OR1J2: variants seen among roughly 807,000 people sequenced by gnomAD.
OR1J2 encodes the protein olfactory receptor family 1 subfamily J member 2, also known as olfactory receptor 1J2.
For synonymous variants in OR1J2, 142 were observed against 99.7 expected, an observed-to-expected ratio of 1.42 and a Z score of -2.52; for missense variants, 304 against 246.1, an observed-to-expected ratio of 1.24 and a Z score of -1.57.
the OR1J2 span, among the ~76,000 whole-genome samples, chr9:122,466,591 C>T: frequency 6.6e-6 from 1 of 152,174 alleles, no homozygotes; most frequent in Non-Finnish European, 1.5e-5. Flanking sequence ...TTACAGCAAA[C>T]TGAGGCTCCC....
At chr9:122,451,152 C>CATTATTATTATTATT in the OR1J2 span, among the ~76,000 whole-genome samples, 1 of 137,584 alleles carries the variant, frequency 7.3e-6, no homozygotes, top group Admixed American at 7.3e-5. Flanking sequence ...CTATCACCTG[C>CATTATTATTATTATT]ATTATTATTA....
At chr9:122,519,970 T>A in the OR1J2 span, 2 of 1,614,182 alleles carry the variant, frequency 1.2e-6, no homozygotes, top group East Asian at 2.2e-5. Context: ...GCCTCTGTGA[T>A]GTACACGGTG....
chr9:122,482,992 C>T, the OR1J2 span, among the ~76,000 whole-genome samples: 1 of 151,942 alleles, frequency 6.6e-6, no homozygotes, highest in Non-Finnish European at 1.5e-5. Context: ...TTCAAAAGAG[C>T]TAGAAGAGAG....
chr9:122,565,578 A>G, the OR1J2 span, among the ~76,000 whole-genome samples: 46,918 of 152,082 alleles, frequency 0.31, 8,111 homozygotes, highest in East Asian at 0.81. Context: ...CCCCAATGGC[A>G]CCATTCCCAA....
At chr9:122,468,894 G>A in the OR1J2 span, among the ~76,000 whole-genome samples, 28 of 152,112 alleles carry the variant, frequency 1.8e-4, no homozygotes, top group African/African-American at 6.5e-4. Context: ...TGGCTCTCTG[G>A]ACCTCTCCAT....
the OR1J2 span, among the ~76,000 whole-genome samples, chr9:122,556,063 T>C: frequency 8.3e-4 from 126 of 152,358 alleles, no homozygotes; most frequent in African/African-American, 2.7e-3. Context: ...TGGTAACCAC[T>C]GATCTTTTTA....
chr9:122,478,571 C>T, the OR1J2 span, among the ~76,000 whole-genome samples: 3 of 152,062 alleles, frequency 2.0e-5, no homozygotes, highest in Non-Finnish European at 4.4e-5. Context: ...TAAACAATTA[C>T]TCCAAAAGAC....
At chr9:122,557,368 A>T in the OR1J2 span, among the ~76,000 whole-genome samples, 1 of 152,004 alleles carries the variant, frequency 6.6e-6, no homozygotes, top group Non-Finnish European at 1.5e-5. Flanking sequence ...TTTAAAATAG[A>T]TATCCTTTAT....
At chr9:122,560,564 T>G in the OR1J2 span, among the ~76,000 whole-genome samples, 127 of 152,294 alleles carry the variant, frequency 8.3e-4, no homozygotes, top group African/African-American at 2.7e-3. Context: ...TGGAAAGGAT[T>G]TTATTTCTCA....
the OR1J2 span, among the ~76,000 whole-genome samples, chr9:122,551,098 T>C: frequency 2.6e-5 from 4 of 152,284 alleles, no homozygotes; most frequent in African/African-American, 9.6e-5. Context: ...ATCAGTAGCA[T>C]TTCTACACAC....
the OR1J2 span, chr9:122,553,314 C>T: frequency 1.2e-6 from 2 of 1,613,912 alleles, no homozygotes; most frequent in African/African-American, 2.7e-5. Context: ...TGGCATCTTC[C>T]TTGGCATGTA....
the OR1J2 span, among the ~76,000 whole-genome samples, chr9:122,554,485 C>T: frequency 6.6e-6 from 1 of 152,102 alleles, no homozygotes; most frequent in South Asian, 2.1e-4. Context: ...AGCAATTCTA[C>T]CCCAGCAAGG....
At chr9:122,467,067 C>T in the OR1J2 span, among the ~76,000 whole-genome samples, 1 of 152,146 alleles carries the variant, frequency 6.6e-6, no homozygotes, top group Admixed American at 6.5e-5. Context: ...CCTCATAAGC[C>T]ACCTGCCTTG....
the OR1J2 span, among the ~76,000 whole-genome samples, chr9:122,522,309 A>G: frequency 2.6e-5 from 4 of 152,228 alleles, no homozygotes; most frequent in East Asian, 1.9e-4. Context: ...GTTAACACTA[A>G]TTCTTTCACA....
chr9:122,449,658 C>T, the OR1J2 span, among the ~76,000 whole-genome samples: 4 of 152,222 alleles, frequency 2.6e-5, no homozygotes, highest in East Asian at 1.9e-4. Flanking sequence ...CATGAGCCAC[C>T]GCGCCCGGCC....
chr9:122,500,703 T>C, the OR1J2 span, among the ~76,000 whole-genome samples: 1 of 152,146 alleles, frequency 6.6e-6, no homozygotes, highest in Non-Finnish European at 1.5e-5. Flanking sequence ...CTCAAGTTGA[T>C]AGCTAATTTG....
the OR1J2 span, among the ~76,000 whole-genome samples, chr9:122,489,752 A>G: frequency 1.3e-5 from 2 of 152,162 alleles, no homozygotes; most frequent in African/African-American, 4.8e-5. Context: ...GTTCAAATTT[A>G]ATATTTAACT....
the OR1J2 span, among the ~76,000 whole-genome samples, chr9:122,535,443 T>A: frequency 6.6e-6 from 1 of 152,134 alleles, no homozygotes; most frequent in South Asian, 2.1e-4. Context: ...GAGTTTTGGG[T>A]CCACGGATAA....
At chr9:122,550,837 A>G in the OR1J2 span, among the ~76,000 whole-genome samples, 1 of 152,006 alleles carries the variant, frequency 6.6e-6, no homozygotes, top group Admixed American at 6.6e-5. Context: ...TAAGAACTAG[A>G]GAAAGACGAA....
Sources: allele counts gnomAD v4.1 joint callset (sites outside exome capture counted in the v4.1 genomes callset), GRCh38; gene constraint gnomAD v4.1.1; transcripts MANE v1.5; gene names NCBI Gene and HGNC (gene_info 2026-07-23, HGNC 2026-07-21).